The following CEP112 variants were observed in gnomAD, a reference collection of about 807,000 sequenced individuals.
CEP112 encodes centrosomal protein of 112 kDa.
In CEP112, 127 loss-of-function variants were observed where a neutral mutation model predicts 153.0. The ratio of observed to expected loss-of-function variants is 0.83; its 90% CI spans 0.72 to 0.96. CEP112 has a LOEUF of 0.96. Among genes scored for constraint, CEP112 ranks in the 40% least tolerant of loss-of-function variants. The pLI is 0.00. For missense variants in CEP112, 1,089 were observed against 1,101.2 expected (o/e 0.99, Z 0.16); for synonymous variants, 358 against 374.4 (o/e 0.96, Z 0.51).
intron 23 of CEP112, among the ~76,000 whole-genome samples, chr17:65,712,940 T>C (rs545835148): frequency 1.3e-5 from 2 of 152,262 alleles, no homozygotes; most frequent in Admixed American, 1.3e-4. Context: ...AATTGGCTAA[T>C]GTTGGGTCAG....
chr17:65,790,185 A>G (rs1401470685), intron 21 of CEP112, among the ~76,000 whole-genome samples: 1 of 152,220 alleles, frequency 6.6e-6, no homozygotes, highest in East Asian at 1.9e-4. Context: ...AGTTCTTGAC[A>G]TTTGTGTCCT....
At chr17:65,853,457 G>A (rs951267333) in intron 20 of CEP112, among the ~76,000 whole-genome samples, 5 of 152,040 alleles carry the variant, frequency 3.3e-5, no homozygotes, top group Admixed American at 6.6e-5. Flanking sequence ...CCGGCCAGGC[G>A]CAGTGACTCA....
At chr17:65,655,209 T>A (rs867674099) in intron 24 of CEP112, 96 of 801,526 alleles carry the variant, frequency 1.2e-4, no homozygotes, top group Middle Eastern at 5.6e-4. Flanking sequence ...CTGGCGCTTG[T>A]TGCAACCTAA....
chr17:65,657,168 T>C (rs1378572337), intron 24 of CEP112, among the ~76,000 whole-genome samples: 2 of 152,218 alleles, frequency 1.3e-5, no homozygotes, highest in Non-Finnish European at 2.9e-5. Flanking sequence ...TATCAGACTT[T>C]TTATATATGG....
chr17:65,989,667 C>T (rs1388580440), intron 17 of CEP112, among the ~76,000 whole-genome samples: 1 of 152,014 alleles, frequency 6.6e-6, no homozygotes, highest in African/African-American at 2.4e-5. Context: ...AAAAAGAAAA[C>T]ATTTGAAGGT....
At chr17:65,671,934 G>A (rs1322086728) in intron 24 of CEP112, among the ~76,000 whole-genome samples, 2 of 152,158 alleles carry the variant, frequency 1.3e-5, no homozygotes, top group African/African-American at 4.8e-5. Flanking sequence ...TATGGAACTG[G>A]AGGCCTCACC....
intron 21 of CEP112, among the ~76,000 whole-genome samples, chr17:65,792,121 A>C (rs1479545703): frequency 6.6e-6 from 1 of 152,208 alleles, no homozygotes; most frequent in African/African-American, 2.4e-5. Flanking sequence ...CAGCGCTCCT[A>C]CACTCAGATG....
intron 6 of CEP112, among the ~76,000 whole-genome samples, chr17:66,109,671 C>CAGTCTCG (rs2068936587): frequency 6.6e-6 from 1 of 152,032 alleles, no homozygotes; most frequent in Non-Finnish European, 1.5e-5. Flanking sequence ...CCATTTTGGA[C>CAGTCTCG]AGTCTCGATG....
intron 17 of CEP112, among the ~76,000 whole-genome samples, chr17:66,003,453 T>C (rs949659339): frequency 6.6e-6 from 1 of 152,224 alleles, no homozygotes; most frequent in African/African-American, 2.4e-5. Context: ...TAATTGCTGT[T>C]ATGGTCAACA....
intron 4 of CEP112, among the ~76,000 whole-genome samples, chr17:66,149,888 G>GTTTTTTTTTTTTTTTTTTTTTTTTTGTT (rs71160535): frequency 1.8e-5 from 1 of 54,710 alleles, no homozygotes; most frequent in African/African-American, 7.5e-5. Flanking sequence ...TTGTTTGTTT[G>GTTTTTTTTTTTTTTTTTTTTTTTTTGTT]TTTTTTTTTT....
At chr17:65,740,979 T>TAGTA (rs2145134984) in intron 23 of CEP112, among the ~76,000 whole-genome samples, 1 of 152,294 alleles carries the variant, frequency 6.6e-6, no homozygotes, top group South Asian at 2.1e-4. Context: ...GGACAGAATG[T>TAGTA]AGTACACTGG....
At chr17:66,036,271 A>G (rs1467634176) in intron 12 of CEP112, among the ~76,000 whole-genome samples, 1 of 152,200 alleles carries the variant, frequency 6.6e-6, no homozygotes, top group Non-Finnish European at 1.5e-5. Context: ...AAGACAAAAA[A>G]GTTTTAAAGA....
intron 19 of CEP112, among the ~76,000 whole-genome samples, chr17:65,909,878 T>G (rs952193145): frequency 1.4e-4 from 21 of 152,184 alleles, no homozygotes; most frequent in Non-Finnish European, 3.1e-4. Flanking sequence ...AGGATTATTT[T>G]CCAGTATCCC....
At chr17:65,907,232 C>T (rs1438061024) in intron 19 of CEP112, among the ~76,000 whole-genome samples, 2 of 152,122 alleles carry the variant, frequency 1.3e-5, no homozygotes, top group Non-Finnish European at 2.9e-5. Flanking sequence ...ACTTTCTAAA[C>T]AGAGACATTT....
intron 23 of CEP112, among the ~76,000 whole-genome samples, chr17:65,717,600 A>G (rs1255045833): frequency 6.6e-6 from 1 of 152,212 alleles, no homozygotes; most frequent in Non-Finnish European, 1.5e-5. Context: ...CACGAAGTTC[A>G]GTGTCCAGCA....
chr17:66,028,903 G>C (rs1258630285), intron 14 of CEP112, among the ~76,000 whole-genome samples: 1 of 151,990 alleles, frequency 6.6e-6, no homozygotes, highest in Non-Finnish European at 1.5e-5. Context: ...GCTTATAGCA[G>C]AATTCAGTTT....
At chr17:65,978,082 AT>A (rs1257406482) in intron 17 of CEP112, among the ~76,000 whole-genome samples, 6 of 152,076 alleles carry the variant, frequency 3.9e-5, no homozygotes, top group Non-Finnish European at 5.9e-5. Flanking sequence ...TCTCAAAAAA[AT>A]TTTTTTAAAT....
Position 66,062,945 on chromosome 17 carries a change from G to T in CEP112, c.1074+18C>A. On this transcript the variant is annotated intron_variant, in intron 11 of 26. Coordinates refer to ENST00000535342, the MANE Select transcript of CEP112 (RefSeq NM_001199165.4). ...GCATAAACTTTTATGTTTTCCATTA[G>T]TATTTTATGTAGCTTACCTTTTTTT... 8.0e-7 allele frequency: 1 copy of T among 1,250,704 alleles called. No individual in the cohort carries two copies. Among genetic ancestry groups the T allele is most frequent in the Non-Finnish European group, 1.1e-6 (1 of 880,440 alleles). 77.5% of individuals were successfully genotyped at this position (1,250,704 alleles called of 1,614,324 possible).
chr17:65,659,490 C>A lies in CEP112; in HGVS notation c.2698-18425G>T, dbSNP rs1034029810. On this transcript the variant is annotated intron_variant, in intron 24 of 26. Coordinates refer to ENST00000535342, the MANE Select transcript of CEP112 (RefSeq NM_001199165.4). ...AAGACAAAGGCAGCCGTTGTCCCAC[C>A]GGTGCACCCCGGATTTACTTAGGCA... Among the ~76,000 whole-genome samples the A allele has an allele frequency of 5.9e-5, 9 of 152,288 alleles. No individual in the cohort carries two copies. In the South Asian group the frequency reaches 1.5e-3, roughly 25 times the overall value.
Sources: gnomAD v4.1 joint callset for allele counts (sites outside exome capture counted in the v4.1 genomes callset) on GRCh38, gnomAD v4.1.1 for gene constraint, MANE v1.5 for transcripts, NCBI Gene and HGNC (gene_info 2026-07-23, HGNC 2026-07-21) for gene names.